LUZP1: variants seen among roughly 807,000 people sequenced by gnomAD.
LUZP1 encodes the protein filamin mechanobinding actin cross-linking protein.
LUZP1 carries 25 observed loss-of-function variants against 71.3 expected under a neutral mutation model. That is an observed-to-expected ratio of 0.35 (90% CI 0.26 to 0.49). The LOEUF (loss-of-function observed/expected upper bound fraction) is 0.49, where lower values mean the gene tolerates loss of function less well. LUZP1 is among the 20% of genes least tolerant of loss of function. The pLI is 0.99. For synonymous variants in LUZP1, 481 were observed against 506.4 expected, an observed-to-expected ratio of 0.95 and a Z score of 0.67; for missense variants, 1,142 against 1,300.8, an observed-to-expected ratio of 0.88 and a Z score of 1.88.
intron 3 of LUZP1, among the ~76,000 whole-genome samples, chr1:23,097,733 T>G (rs1438044627): frequency 6.6e-6 from 1 of 152,114 alleles, no homozygotes; most frequent in Non-Finnish European, 1.5e-5. Context: ...TCCCAGCTAC[T>G]TGGTAGGCTG....
At chr1:23,153,722 T>C (rs957547884) in intron 2 of LUZP1, among the ~76,000 whole-genome samples, 1 of 152,148 alleles carries the variant, frequency 6.6e-6, no homozygotes, top group Admixed American at 6.5e-5. Context: ...TCATGGCACT[T>C]TGGGAGTTCG....
intron 3 of LUZP1, among the ~76,000 whole-genome samples, chr1:23,096,495 A>G (rs79026949): frequency 0.018 from 2,688 of 152,298 alleles, 92 homozygotes; most frequent in African/African-American, 0.061. Flanking sequence ...TCAGGAAGCA[A>G]TGTCCCAACA....
Position 23,093,665 on chromosome 1 carries a change from G to A in LUZP1, c.597C>T (p.Tyr199=). Residue 199 remains tyrosine, a synonymous_variant, in exon 4 of 5, where the codon TAC becomes TAT. Coordinates refer to ENST00000302291, the Ensembl canonical transcript of LUZP1. This position sits in a 1 kb window ranked among gnomAD's most constrained non-coding sequence, Gnocchi z 4.2. Reference sequence around the variant, plus strand: ...CATTTTCTTTCTCCTTTTCATTCAAGTATTTTCTCTCACTTACAAAGCTCA... The same window carrying A: ...CATTTTCTTTCTCCTTTTCATTCAAATATTTTCTCTCACTTACAAAGCTCA... 6.2e-7 allele frequency: 1 copy of A among 1,611,584 alleles called. No individual in the cohort carries two copies. The highest frequency in any genetic ancestry group is 8.5e-7 in the Non-Finnish European group (1 of 1,179,566).
At chr1:23,157,017 G>A (rs541885875) in intron 2 of LUZP1, among the ~76,000 whole-genome samples, 3 of 152,320 alleles carry the variant, frequency 2.0e-5, no homozygotes, top group Non-Finnish European at 4.4e-5. Flanking sequence ...TTCAGAATTT[G>A]GAAATGTCAC....
intron 2 of LUZP1, among the ~76,000 whole-genome samples, chr1:23,143,136 G>A (rs997999260): frequency 6.6e-6 from 1 of 152,028 alleles, no homozygotes; most frequent in African/African-American, 2.4e-5. Context: ...AGCCTCCAGG[G>A]TAGCTGGGAT....
At chr1:23,136,779 T>C (rs551904932) in intron 2 of LUZP1, among the ~76,000 whole-genome samples, 1 of 152,018 alleles carries the variant, frequency 6.6e-6, no homozygotes, top group Admixed American at 6.5e-5. Context: ...TAGCCGGGCG[T>C]GGTGGTGGGT....
intron 2 of LUZP1, among the ~76,000 whole-genome samples, chr1:23,157,288 T>C (rs1051148393): frequency 1.7e-4 from 26 of 152,142 alleles, no homozygotes; most frequent in Admixed American, 1.7e-3. Context: ...GCTGTGATCA[T>C]GCCACTGGAG....
intron 2 of LUZP1, among the ~76,000 whole-genome samples, chr1:23,115,838 G>A (rs1342091867): frequency 1.3e-5 from 2 of 151,060 alleles, no homozygotes; most frequent in Non-Finnish European, 2.9e-5. Flanking sequence ...CACCACGCCC[G>A]GCCCTGCTGT....
chr1:23,124,855 G>A (rs938329000), intron 2 of LUZP1, among the ~76,000 whole-genome samples: 2 of 152,084 alleles, frequency 1.3e-5, no homozygotes, highest in Non-Finnish European at 2.9e-5. Flanking sequence ...TTCTTTAACA[G>A]TAAAATGAAA....
chr1:23,114,792 C>T (rs1257582422), intron 2 of LUZP1, among the ~76,000 whole-genome samples: 1 of 152,108 alleles, frequency 6.6e-6, no homozygotes, highest in Non-Finnish European at 1.5e-5. Context: ...GTGAGAAACC[C>T]GGGTGGCGGC....
At chr1:23,157,514 G>A (rs1392530929) in intron 2 of LUZP1, among the ~76,000 whole-genome samples, 1 of 152,012 alleles carries the variant, frequency 6.6e-6, no homozygotes, top group Non-Finnish European at 1.5e-5. Flanking sequence ...TGTCTCGCCA[G>A]GCACGGTGGC....
In LUZP1 at chr1:23,117,829, C is replaced by T. The variant is rs1024107533; in HGVS notation, c.-225-8702G>A. 4.5e-4 allele frequency among the ~76,000 whole-genome samples: 69 copies of T among 152,276 alleles called. No homozygotes were observed. The Middle Eastern group carries it at 0.01, about 23-fold the overall frequency. On this transcript the variant is annotated intron_variant, in intron 2 of 4. Coordinates refer to ENST00000302291, the Ensembl canonical transcript of LUZP1. ...ACAGGAGGCTGGGCACAGTGGCTCA[C>T]GGCTGTAATCCCAGCGCTTTGGGAG... is the stretch of plus-strand genomic sequence containing the variant.
chr1:23,142,667 A>G (rs1644312267), intron 2 of LUZP1, among the ~76,000 whole-genome samples: 2 of 151,040 alleles, frequency 1.3e-5, no homozygotes, highest in South Asian at 4.2e-4. Context: ...CAGGCATCCA[A>G]TAAATGGTGG....
intron 2 of LUZP1, among the ~76,000 whole-genome samples, chr1:23,122,842 G>C (rs531520753): frequency 1.3e-5 from 2 of 152,276 alleles, no homozygotes; most frequent in East Asian, 3.9e-4. Context: ...CACAGTAAAA[G>C]ACCTAAACTC....
chr1:23,101,732 C>T lies in LUZP1; in HGVS notation c.-120+7290G>A, dbSNP rs192964350. Among the ~76,000 whole-genome samples, 10 of 152,248 alleles carry T rather than the reference C, an allele frequency of 6.6e-5. No homozygotes were observed. In the East Asian group the frequency reaches 1.9e-3, roughly 29 times the overall value. ...CTCTGACCTTTTGGCCCTAAGTAGC[C>T]AGGATAAGAAATGCTTTGCTACCTC... On this transcript the variant is annotated intron_variant, in intron 3 of 4. Transcript: ENST00000302291.
chr1:23,151,498 G>A (rs576095985), intron 2 of LUZP1, among the ~76,000 whole-genome samples: 4 of 152,230 alleles, frequency 2.6e-5, no homozygotes, highest in South Asian at 2.1e-4. Context: ...CTTATGGTGC[G>A]TAATCCAAGG....
chr1:23,120,972 C>T (rs527856045), intron 2 of LUZP1, among the ~76,000 whole-genome samples: 3 of 152,188 alleles, frequency 2.0e-5, no homozygotes, highest in Non-Finnish European at 2.9e-5. Context: ...AGCTGACTAC[C>T]TCTTAAGTTT....
rs189376248 is a variant in LUZP1, at chr1:23,094,337, T to C, written c.-76A>G. ...GGGATGAGAAATGGTTACCTTTCTC[T>C]TGGCAACCACAATCTTCTTTGACAG... On this transcript the variant is annotated 5_prime_UTR_variant, in exon 4 of 5. Coordinates refer to ENST00000302291, the Ensembl canonical transcript of LUZP1. This position sits in a 1 kb window ranked among gnomAD's most constrained non-coding sequence, Gnocchi z 4.7. 41 of 1,507,164 alleles carry C rather than the reference T, an allele frequency of 2.7e-5. No individual in the cohort carries two copies. In the African/African-American group the frequency reaches 5.2e-4, roughly 19 times the overall value. The allele number at this position is 1,507,164 out of a possible 1,614,324, so 93.4% of individuals were successfully genotyped here.
At chr1:23,166,993 C>G (rs561669640) in intron 2 of LUZP1, among the ~76,000 whole-genome samples, 1 of 152,200 alleles carries the variant, frequency 6.6e-6, no homozygotes, top group Non-Finnish European at 1.5e-5. Context: ...TTTTAGAAAC[C>G]TGGAAAATTC....
Sources: gnomAD v4.1 joint callset for allele counts (sites outside exome capture counted in the v4.1 genomes callset) on GRCh38, gnomAD v4.1.1 for gene constraint, Gnocchi (gnomAD v3.1) non-coding constraint, MANE v1.5 for transcripts, NCBI Gene and HGNC (gene_info 2026-07-23, HGNC 2026-07-21) for gene names.